The following USP15 variants were observed in gnomAD, a reference collection of about 807,000 sequenced individuals.
The protein encoded by USP15 is ubiquitin specific peptidase 15.
In USP15, 18 loss-of-function variants were observed where a neutral mutation model predicts 127.1. That is an observed-to-expected ratio of 0.14 (90% CI 0.10 to 0.21). The LOEUF (loss-of-function observed/expected upper bound fraction) is 0.21, where lower values mean the gene tolerates loss of function less well. Ranked by LOEUF, USP15 falls within the 10% of genes least tolerant of loss-of-function variation. The probability of loss-of-function intolerance (pLI) is 1.00; values close to 1 mark genes in which losing one functional copy is unlikely to be tolerated. For missense variants in USP15, 805 were observed against 1,159.9 expected (o/e 0.69, Z 4.44); for synonymous variants, 364 against 393.7 (o/e 0.92, Z 0.89).
chr12:62,373,532 A>T (rs1436943369), intron 8 of USP15, among the ~76,000 whole-genome samples: 1 of 151,982 alleles, frequency 6.6e-6, no homozygotes, highest in Non-Finnish European at 1.5e-5. Flanking sequence ...TTAGGACAAC[A>T]TCCTTGTCCA....
rs190338523 is a variant in USP15, at chr12:62,289,210, C to T, written c.90-4969C>T. On this transcript the variant is annotated intron_variant, in intron 1 of 21. Coordinates refer to ENST00000280377, the MANE Select transcript of USP15 (RefSeq NM_001252078.2). Reference sequence around the variant, plus strand: ...TATTCAGCTCTGAATCTGTCCTCTCCTGAGCTTGTTGTTGTTGTTGTTGTT... The same window carrying T: ...TATTCAGCTCTGAATCTGTCCTCTCTTGAGCTTGTTGTTGTTGTTGTTGTT... 2.1e-4 allele frequency among the ~76,000 whole-genome samples: 28 copies of T among 130,724 alleles called. No individual in the cohort carries two copies. The East Asian group carries it at 5.7e-3, about 27-fold the overall frequency. The allele number at this position is 130,724 out of a possible 152,430, so 85.8% of individuals were successfully genotyped here.
chr12:62,279,905 C>T (rs2063601907), intron 1 of USP15, among the ~76,000 whole-genome samples: 1 of 152,126 alleles, frequency 6.6e-6, no homozygotes, highest in African/African-American at 2.4e-5. Context: ...GTGAGTCTGG[C>T]TCTTATTTCT....
At chr12:62,323,885 C>G (rs528666017) in intron 5 of USP15, among the ~76,000 whole-genome samples, 1 of 152,090 alleles carries the variant, frequency 6.6e-6, no homozygotes, top group Non-Finnish European at 1.5e-5. Flanking sequence ...GATTAAGTAT[C>G]CTTAAGGACT....
chr12:62,316,689 T>C (rs1000856741), intron 4 of USP15, among the ~76,000 whole-genome samples: 4 of 152,074 alleles, frequency 2.6e-5, no homozygotes, highest in African/African-American at 4.8e-5. Flanking sequence ...AAATTAAATA[T>C]GAGACCATCA....
intron 1 of USP15, among the ~76,000 whole-genome samples, chr12:62,290,340 CTATTGAATT>C (rs1210169250): frequency 3.3e-5 from 5 of 152,084 alleles, no homozygotes; most frequent in African/African-American, 1.2e-4. Context: ...TTATGTCTTT[CTATTGAATT>C]GATCCCTTTA....
chr12:62,318,924 T>C (rs922436001), intron 4 of USP15, among the ~76,000 whole-genome samples: 6 of 152,202 alleles, frequency 3.9e-5, no homozygotes, highest in African/African-American at 1.4e-4. Context: ...GTCAGACCAC[T>C]TAACACTGCT....
Position 62,384,062 on chromosome 12 carries a change from T to C in USP15, c.1249-16T>C. ...TTGTGATACCTCTTTCTAATTTGTG[T>C]CTATTATCCTTGTAGGTGGTTGCCG... On this transcript the variant is annotated splice_polypyrimidine_tract_variant and intron_variant, in intron 10 of 21. Transcript: ENST00000280377. 1 of 1,610,668 alleles carries C rather than the reference T, an allele frequency of 6.2e-7. No individual in the cohort carries two copies. Among genetic ancestry groups the C allele is most frequent in the South Asian group, 1.1e-5 (1 of 90,832 alleles).
chr12:62,349,748 A>G (rs532046069), intron 7 of USP15, among the ~76,000 whole-genome samples: 127 of 152,164 alleles, frequency 8.3e-4, no homozygotes, highest in African/African-American at 3.0e-3. Context: ...AGTTCAGAAA[A>G]ACAATTTCCT....
In USP15 at chr12:62,268,445, A is replaced by G. The variant is rs958521365; in HGVS notation, c.89+7942A>G. ...ACATTTTCATTTGTTATTAATATCA[A>G]GAGCCTCTAGAATTTTGTGAGTCTT... On this transcript the variant is annotated intron_variant, in intron 1 of 21. Transcript: ENST00000280377. 4.6e-5 allele frequency among the ~76,000 whole-genome samples: 7 copies of G among 152,284 alleles called. No homozygotes were observed. In the South Asian group the frequency reaches 1.0e-3, roughly 23 times the overall value.
chr12:62,350,507 A>G (rs2065937521), intron 7 of USP15, among the ~76,000 whole-genome samples: 1 of 152,216 alleles, frequency 6.6e-6, no homozygotes, highest in Admixed American at 6.5e-5. Flanking sequence ...TAAATGGAAA[A>G]AAGAACTTGT....
At chr12:62,393,528 C>T (rs1414138281) in intron 19 of USP15, 1 of 181,066 alleles carries the variant, frequency 5.5e-6, no homozygotes, top group Non-Finnish European at 1.1e-5. Context: ...TTTTGTTTAT[C>T]CTAGGAATTA....
At chr12:62,359,170 A>G (rs944226215) in intron 8 of USP15, among the ~76,000 whole-genome samples, 10 of 151,644 alleles carry the variant, frequency 6.6e-5, no homozygotes, top group East Asian at 1.9e-4. Context: ...ACTTTCCACA[A>G]TGGCCCCAGA....
At chr12:62,401,329 G>A in intron 21 of USP15, 54 bp downstream of exon 21, 1 of 1,407,844 alleles carries the variant, frequency 7.1e-7, no homozygotes, top group Admixed American at 1.9e-5. Context: ...CTTAAGGAGT[G>A]AATATAAATT....
At chr12:62,361,331 C>T (rs775648073) in intron 8 of USP15, among the ~76,000 whole-genome samples, 5 of 152,078 alleles carry the variant, frequency 3.3e-5, no homozygotes, top group Non-Finnish European at 5.9e-5. Context: ...GCAAAATTCC[C>T]TAAGATTAGT....
intron 6 of USP15, among the ~76,000 whole-genome samples, chr12:62,331,047 A>G (rs2065283122): frequency 6.6e-6 from 1 of 152,180 alleles, no homozygotes; most frequent in Admixed American, 6.5e-5. Flanking sequence ...ACTTCAAGAT[A>G]TTAAGATACA....
rs2067916832 is a variant in USP15 at position 62,407,739 on chromosome 12, G to A, written c.*3364G>A. ...AAACTCTACTCTAGTTTTGCTTTCT[G>A]TTTGTTTGTTTGTTTGTTTAGAGAC... On this transcript the variant is annotated 3_prime_UTR_variant, in exon 22 of 22. Transcript: ENST00000280377. The A allele has an allele frequency of 6.6e-6, 1 of 151,110 alleles. No homozygotes were observed. Among genetic ancestry groups the A allele is most frequent in the South Asian group, 2.1e-4 (1 of 4,802 alleles). 9.4% of individuals were successfully genotyped at this position (151,110 alleles called of 1,614,324 possible). A position where few individuals can be genotyped will look rare whatever the true frequency, so the allele number is the denominator to read the frequency against.
At chr12:62,313,721 G>A (rs985870684) in intron 3 of USP15, among the ~76,000 whole-genome samples, 1 of 151,710 alleles carries the variant, frequency 6.6e-6, no homozygotes, top group African/African-American at 2.4e-5. Flanking sequence ...TTAGCAGAAG[G>A]AGAGGTACAG....
At chr12:62,379,350 A>C (rs539694864) in intron 8 of USP15, among the ~76,000 whole-genome samples, 28 of 152,136 alleles carry the variant, frequency 1.8e-4, no homozygotes, top group Non-Finnish European at 3.2e-4. Context: ...TACATAGATG[A>C]GCAAAAGACA....
chr12:62,393,993 A>G (rs1056769496), intron 19 of USP15: 3 of 152,236 alleles, frequency 2.0e-5, no homozygotes, highest in African/African-American at 2.4e-5. Flanking sequence ...CAGTTTTCCT[A>G]TTGCCATTAT....
Sources: gnomAD v4.1 joint callset for allele counts (sites outside exome capture counted in the v4.1 genomes callset) on GRCh38, gnomAD v4.1.1 for gene constraint, MANE v1.5 for transcripts, NCBI Gene and HGNC (gene_info 2026-07-23, HGNC 2026-07-21) for gene names.